CCDC146: variants seen among roughly 807,000 people sequenced by gnomAD.
The protein encoded by CCDC146 is coiled-coil domain containing 146.
A neutral mutation model predicts 119.3 loss-of-function variants in CCDC146; 92 were observed. That is an observed-to-expected ratio of 0.77 (90% CI 0.65 to 0.92). The LOEUF (loss-of-function observed/expected upper bound fraction) is 0.92. Ranked by LOEUF, CCDC146 falls within the 40% of genes least tolerant of loss-of-function variation. The probability of loss-of-function intolerance (pLI) is 0.00; values close to 1 mark genes in which losing one functional copy is unlikely to be tolerated. For missense variants in CCDC146, 1,000 were observed against 1,103.0 expected (o/e 0.91, Z 1.32); for synonymous variants, 372 against 371.8 (o/e 1.00, Z -0.01).
intron 4 of CCDC146, among the ~76,000 whole-genome samples, chr7:77,245,414 T>C (rs545840136): frequency 6.6e-6 from 1 of 152,342 alleles, no homozygotes; most frequent in Non-Finnish European, 1.5e-5. Context: ...TTCCCTGTTT[T>C]CTAGTAATTC....
chr7:77,126,175 A>G (rs1232038115), intron 1 of CCDC146, among the ~76,000 whole-genome samples: 1 of 152,086 alleles, frequency 6.6e-6, no homozygotes, highest in East Asian at 1.9e-4. Flanking sequence ...TGAATGTTGC[A>G]TTTTGTCAAA....
chr7:77,208,836 T>C (rs557636550), intron 2 of CCDC146, among the ~76,000 whole-genome samples: 146 of 152,290 alleles, frequency 9.6e-4, no homozygotes, highest in African/African-American at 3.3e-3. Context: ...GCTTCCCAAG[T>C]AGCTGGCACT....
At chr7:77,190,718 G>T (rs1365013694) in intron 2 of CCDC146, among the ~76,000 whole-genome samples, 1 of 152,160 alleles carries the variant, frequency 6.6e-6, no homozygotes, top group Non-Finnish European at 1.5e-5. Context: ...GACCTGGCAA[G>T]CTTATGACTT....
chr7:77,288,461 G>C (rs79778112), intron 17 of CCDC146, among the ~76,000 whole-genome samples: 12,243 of 152,220 alleles, frequency 0.08, 689 homozygotes, highest in Non-Finnish European at 0.11. Flanking sequence ...CCATCAGCCT[G>C]TACACCCATT....
intron 1 of CCDC146, among the ~76,000 whole-genome samples, chr7:77,145,410 T>C (rs1228236176): frequency 1.3e-5 from 2 of 151,830 alleles, no homozygotes; most frequent in Non-Finnish European, 2.9e-5. Context: ...TTTGTGTCTC[T>C]ATCTCCTTCA....
chr7:77,268,038 A>G (rs1562855144), intron 9 of CCDC146, among the ~76,000 whole-genome samples: 1 of 152,190 alleles, frequency 6.6e-6, no homozygotes, highest in Non-Finnish European at 1.5e-5. Flanking sequence ...ATTAGAAAGG[A>G]CTTACAGGAT....
intron 1 of CCDC146, among the ~76,000 whole-genome samples, chr7:77,161,073 A>G (rs953702518): frequency 6.6e-6 from 1 of 152,240 alleles, no homozygotes; most frequent in Non-Finnish European, 1.5e-5. Context: ...AGTGCAAATC[A>G]AAACCACAAT....
At chr7:77,183,234 A>T (rs531635456) in intron 2 of CCDC146, among the ~76,000 whole-genome samples, 72 of 151,552 alleles carry the variant, frequency 4.8e-4, no homozygotes, top group African/African-American at 1.7e-3. Context: ...ATCTTTTTCC[A>T]TCTTCTCCTT....
chr7:77,270,131 G>A (rs1405970514), intron 9 of CCDC146, among the ~76,000 whole-genome samples: 2 of 152,162 alleles, frequency 1.3e-5, no homozygotes, highest in Non-Finnish European at 2.9e-5. Flanking sequence ...ATATCAAAGT[G>A]TTAAGCTGAG....
chr7:77,247,268 G>A (rs1238057320), intron 4 of CCDC146, among the ~76,000 whole-genome samples: 1 of 152,136 alleles, frequency 6.6e-6, no homozygotes, highest in African/African-American at 2.4e-5. Flanking sequence ...TTTTATGTTT[G>A]TTTAAACATA....
intron 1 of CCDC146, among the ~76,000 whole-genome samples, chr7:77,156,234 GCTTT>G (rs1562817975): frequency 6.6e-6 from 1 of 152,194 alleles, no homozygotes; most frequent in Admixed American, 6.5e-5. Context: ...TGCACTTGAA[GCTTT>G]CTTTCAGAGT....
In CCDC146 at chr7:77,278,838, G is replaced by A. The variant is rs749366397; in HGVS notation, c.1527G>A (p.Arg509=). The change falls in exon 12 of 19, where the codon CGG becomes CGA. Residue 509 remains arginine (R), a splice_region_variant and synonymous_variant. Coordinates refer to ENST00000285871, the MANE Select transcript of CCDC146 (RefSeq NM_020879.3). ...AGAAGAAAAAATGTGAAATTTATCG[G>A]AGGTAAAGTAATTATGTGGTGTTTT... The part of the protein sequence containing the change: ...IHKKKKCEIY[R]RLREFAKLYD... 1.9e-6 allele frequency: 3 copies of A among 1,609,506 alleles called. No homozygotes were observed. Among genetic ancestry groups the A allele is most frequent in the Admixed American group, 3.3e-5 (2 of 59,754 alleles).
At chr7:77,269,104 C>T (rs1419253143) in intron 9 of CCDC146, among the ~76,000 whole-genome samples, 2 of 152,128 alleles carry the variant, frequency 1.3e-5, no homozygotes, top group Non-Finnish European at 2.9e-5. Flanking sequence ...ATTCCTTTTA[C>T]GCAGATGTTG....
rs988649657 is a variant in CCDC146 at position 77,287,718 on chromosome 7, G to A, written c.2415+141G>A. On this transcript the variant is annotated intron_variant, in intron 17 of 18. Transcript: ENST00000285871. ...GGGGAACTTAGAAAAACGAAAGGATGACTCAGAGAATTGTCCAAAATGTTT... is the reference window on the plus strand; with the variant it reads ...GGGGAACTTAGAAAAACGAAAGGATAACTCAGAGAATTGTCCAAAATGTTT... 1.2e-5 allele frequency: 10 copies of A among 859,842 alleles called. No homozygotes were observed. In the African/African-American group the frequency reaches 1.7e-4, roughly 15 times the overall value. 53.3% of individuals were successfully genotyped at this position (859,842 alleles called of 1,614,324 possible).
At chr7:77,144,995 A>G (rs1790992970) in intron 1 of CCDC146, among the ~76,000 whole-genome samples, 1 of 151,804 alleles carries the variant, frequency 6.6e-6, no homozygotes, top group Non-Finnish European at 1.5e-5. Flanking sequence ...AAGGAATGGT[A>G]CCAGCTCCTC....
chr7:77,143,895 G>T (rs1248862809), intron 1 of CCDC146, among the ~76,000 whole-genome samples: 1 of 151,762 alleles, frequency 6.6e-6, no homozygotes, highest in East Asian at 1.9e-4. Flanking sequence ...ACTTGGCAAT[G>T]TGGGCTCTTT....
intron 2 of CCDC146, among the ~76,000 whole-genome samples, chr7:77,197,535 C>G (rs1466859780): frequency 6.6e-6 from 1 of 152,210 alleles, no homozygotes; most frequent in African/African-American, 2.4e-5. Flanking sequence ...TCAGATGATT[C>G]TAACTCTCCT....
intron 1 of CCDC146, among the ~76,000 whole-genome samples, chr7:77,134,506 T>C (rs1453442414): frequency 1.3e-5 from 2 of 152,072 alleles, no homozygotes; most frequent in Non-Finnish European, 2.9e-5. Flanking sequence ...TATAGTAATA[T>C]TGATGAAAAA....
At chr7:77,294,463 GGTGTGTGTGTGTGT>G (rs61323999) in intron 18 of CCDC146, among the ~76,000 whole-genome samples, 186 bp from the exon 19 acceptor site, 9 of 134,312 alleles carry the variant, frequency 6.7e-5, no homozygotes, top group East Asian at 4.4e-4. Context: ...ATGAGAGGTA[GGTGTGTGTGTGTGT>G]GTGTGTGTGT....
Sources: gnomAD v4.1 joint callset for allele counts (sites outside exome capture counted in the v4.1 genomes callset) on GRCh38, gnomAD v4.1.1 for gene constraint, MANE v1.5 for transcripts, NCBI Gene and HGNC (gene_info 2026-07-23, HGNC 2026-07-21) for gene names.